The following FNDC1 variants were observed in gnomAD, a reference collection of about 807,000 sequenced individuals.
The protein encoded by FNDC1 is fibronectin type III domain containing 1.
A neutral mutation model predicts 168.0 loss-of-function variants in FNDC1; 96 were observed. The ratio of observed to expected loss-of-function variants is 0.57; its 90% CI spans 0.48 to 0.68. The LOEUF is 0.68. FNDC1 is among the 30% of genes least tolerant of loss of function. The pLI, the probability that FNDC1 is intolerant of heterozygous loss-of-function variation, is 0.00. For synonymous variants in FNDC1, 1,099 were observed against 1,025.9 expected, an observed-to-expected ratio of 1.07 and a Z score of -1.36; for missense variants, 2,587 against 2,482.1, an observed-to-expected ratio of 1.04 and a Z score of -0.90.
At chr6:159,173,928 T>C (rs1171641535) in intron 1 of FNDC1, among the ~76,000 whole-genome samples, 1 of 152,158 alleles carries the variant, frequency 6.6e-6, no homozygotes, top group African/African-American at 2.4e-5. Flanking sequence ...CCTCAAGGGA[T>C]GAGGGGGGCA....
intron 22 of FNDC1, among the ~76,000 whole-genome samples, chr6:159,269,482 CTATCTATCT>C (rs1777683360): frequency 1.4e-5 from 2 of 143,186 alleles, no homozygotes; most frequent in African/African-American, 5.3e-5. Context: ...ATCTATCTAT[CTATCTATCT>C]ATCTATCTAT....
intron 4 of FNDC1, among the ~76,000 whole-genome samples, chr6:159,213,190 G>A (rs1782639678): frequency 6.6e-6 from 1 of 152,236 alleles, no homozygotes; most frequent in Admixed American, 6.5e-5. Flanking sequence ...GAGCCTGGAA[G>A]GGGGAAGCGT....
chr6:159,202,996 C>T (rs1782409999), intron 4 of FNDC1, among the ~76,000 whole-genome samples: 1 of 152,228 alleles, frequency 6.6e-6, no homozygotes, highest in South Asian at 2.1e-4. Context: ...CCTGAGGCCT[C>T]TATCCTTGGC....
At chr6:159,247,234 C>T (rs1252856076) in intron 15 of FNDC1, among the ~76,000 whole-genome samples, 1 of 150,946 alleles carries the variant, frequency 6.6e-6, no homozygotes, top group East Asian at 2.0e-4. Flanking sequence ...TTCCCTCCCT[C>T]CCCACCCTCC....
intron 1 of FNDC1, among the ~76,000 whole-genome samples, chr6:159,178,398 G>A (rs1483277271): frequency 1.3e-5 from 2 of 152,046 alleles, no homozygotes; most frequent in African/African-American, 4.8e-5. Context: ...CCTCTCTGTT[G>A]TTTAGGTTGA....
At chr6:159,217,646 G>A (rs1782735261) in intron 5 of FNDC1, among the ~76,000 whole-genome samples, 1 of 152,176 alleles carries the variant, frequency 6.6e-6, no homozygotes, top group Non-Finnish European at 1.5e-5. Flanking sequence ...GGGTGTTCCA[G>A]GCACGGGCTG....
chr6:159,229,827 C>T lies in FNDC1; in HGVS notation c.1193C>T (p.Ser398Leu). 1 of 1,611,904 alleles carries T rather than the reference C, an allele frequency of 6.2e-7. No individual in the cohort carries two copies. The highest frequency in any genetic ancestry group is 8.5e-7 in the Non-Finnish European group (1 of 1,178,858). The change falls in exon 10 of 23, where the codon TCA becomes TTA. Residue 398 changes from serine to leucine, a missense_variant. Physicochemically the swap from Ser to Leu is moderately radical, Grantham distance 145. Transcript: ENST00000297267. ...TEGKVKEYILSYAPALKPFGA... is the reference protein window; with the variant it reads ...TEGKVKEYILLYAPALKPFGA... ...CAAATCATTTCAGAATACATTCTTT[C>T]ATACGCCCCGGCTCTCAAACCATTT...
At chr6:159,220,709 C>A (rs1782804812) in intron 5 of FNDC1, among the ~76,000 whole-genome samples, 1 of 152,172 alleles carries the variant, frequency 6.6e-6, no homozygotes. Context: ...TCTTCAAGTG[C>A]AATGGCCCCT....
At chr6:159,261,093 C>T in intron 18 of FNDC1, 97 bp from the exon 19 acceptor site, 2 of 856,014 alleles carry the variant, frequency 2.3e-6, no homozygotes, top group Non-Finnish European at 3.8e-6. Context: ...AACTCAAAGC[C>T]TGTCACGGTT....
chr6:159,251,368 A>T lies in FNDC1; in HGVS notation c.4901A>T (p.His1634Leu), dbSNP rs768030951. ...APCSLTDALD[H>L]FQVDSLDEII... ...TGCTCTCTGACTGATGCACTGGATCACTTCCAAGTGGACAGCCTGGATGAA... is the reference window on the plus strand; with the variant it reads ...TGCTCTCTGACTGATGCACTGGATCTCTTCCAAGTGGACAGCCTGGATGAA... Residue 1634 changes from histidine (H) to leucine (L), a missense_variant, in exon 17 of 23, where the codon CAC becomes CTC. By Grantham distance (99) the His-to-Leu change is moderately conservative. Coordinates refer to ENST00000297267, the MANE Select transcript of FNDC1 (RefSeq NM_032532.3). The T allele has an allele frequency of 3.0e-5, 49 of 1,613,898 alleles. No individual in the cohort carries two copies. The highest frequency in any genetic ancestry group is 3.9e-5 in the Non-Finnish European group (46 of 1,179,896).
At chr6:159,242,957 G>T (rs978789910) in intron 14 of FNDC1, among the ~76,000 whole-genome samples, 10 of 152,056 alleles carry the variant, frequency 6.6e-5, no homozygotes, top group Admixed American at 6.5e-4. Context: ...TCCACTTTTT[G>T]GTTATTGTGA....
chr6:159,261,482 A>G (rs1265560680), intron 19 of FNDC1, among the ~76,000 whole-genome samples: 1 of 152,248 alleles, frequency 6.6e-6, no homozygotes, highest in Non-Finnish European at 1.5e-5. Context: ...TCTGAAGAAC[A>G]GAAAGGTCAA....
chr6:159,225,365 T>TGAA (rs1782930030), intron 7 of FNDC1, among the ~76,000 whole-genome samples, 170 bp from the exon 8 acceptor site: 2 of 152,258 alleles, frequency 1.3e-5, no homozygotes, highest in African/African-American at 4.8e-5. Flanking sequence ...TTAGACAACT[T>TGAA]TGCTTGGAAC....
intron 8 of FNDC1, 138 bp downstream of exon 8, chr6:159,225,860 TAG>T (rs1782945781): frequency 1.3e-6 from 1 of 759,712 alleles, no homozygotes; most frequent in Non-Finnish European, 2.1e-6. Flanking sequence ...TAAATTTTGG[TAG>T]AGTTTCTATG....
intron 4 of FNDC1, among the ~76,000 whole-genome samples, chr6:159,213,058 G>T (rs1166753731): frequency 6.6e-6 from 1 of 152,206 alleles, no homozygotes; most frequent in African/African-American, 2.4e-5. Context: ...GATGAACTAT[G>T]TGAGAGCTTG....
rs372264635 is a variant in FNDC1 at position 159,239,549 on chromosome 6, G to A, written c.4213G>A (p.Gly1405Ser). The change falls in exon 14 of 23, where the codon GGC (glycine) becomes AGC (serine). Residue 1405 changes from glycine to serine, a missense_variant. Physicochemically the swap from Gly to Ser is moderately conservative, Grantham distance 56 (BLOSUM62 0). Transcript: ENST00000297267. Reference sequence around the variant, plus strand: ...AGGGACCCCCGTGGTGAGTCCTGACGGCCTCCCACTCTTTGGGCAGGGGCG... The same window carrying A: ...AGGGACCCCCGTGGTGAGTCCTGACAGCCTCCCACTCTTTGGGCAGGGGCG... ...LEGTPVVSPD[G>S]LPLFGQGRHG... 1.2e-5 allele frequency: 20 copies of A among 1,605,048 alleles called. No individual in the cohort carries two copies. The highest frequency in any genetic ancestry group is 1.6e-4 in the Middle Eastern group (1 of 6,076).
chr6:159,233,320 A>G lies in FNDC1; in HGVS notation c.2808A>G (p.Thr936=), dbSNP rs1275425457. Reference sequence around the variant, plus strand: ...ACCCCAAATCCACAGGGGCAGATACACATCCTCAGGGCAAGTACTCCTCCC... The same window carrying G: ...ACCCCAAATCCACAGGGGCAGATACGCATCCTCAGGGCAAGTACTCCTCCC... ...PENPKSTGAD[T]HPQGKYSSLA... is the part of the protein sequence containing the mutation. Residue 936 remains threonine, a synonymous_variant, in exon 11 of 23, where the codon ACA becomes ACG. Coordinates refer to ENST00000297267, the MANE Select transcript of FNDC1 (RefSeq NM_032532.3). This position sits in a 1 kb window ranked among gnomAD's most constrained non-coding sequence, Gnocchi z 4.6. 1 of 1,613,792 alleles carries G rather than the reference A, an allele frequency of 6.2e-7. No individual in the cohort carries two copies. The highest frequency in any genetic ancestry group is 1.3e-5 in the African/African-American group (1 of 74,908).
chr6:159,185,726 C>T (rs982568837), intron 1 of FNDC1, among the ~76,000 whole-genome samples: 4 of 152,210 alleles, frequency 2.6e-5, no homozygotes, highest in African/African-American at 7.2e-5. Context: ...CTTTAAAATG[C>T]TTTCTGAGAA....
chr6:159,191,611 T>G (rs1352773042), intron 1 of FNDC1, among the ~76,000 whole-genome samples: 1 of 152,238 alleles, frequency 6.6e-6, no homozygotes, highest in Non-Finnish European at 1.5e-5. Context: ...TCTGTTTCAG[T>G]GCAATCACAG....
Sources: gnomAD v4.1 joint callset for allele counts (sites outside exome capture counted in the v4.1 genomes callset) on GRCh38, gnomAD v4.1.1 for gene constraint, Gnocchi (gnomAD v3.1) non-coding constraint, MANE v1.5 for transcripts, NCBI Gene and HGNC (gene_info 2026-07-23, HGNC 2026-07-21) for gene names.